Variants in PDE4D observed in about 807,000 individuals in gnomAD.
PDE4D encodes the protein phosphodiesterase 4D.
PDE4D carries 24 observed loss-of-function variants against 87.4 expected under a neutral mutation model. The ratio of observed to expected loss-of-function variants is 0.27; its 90% CI spans 0.20 to 0.39. The LOEUF (loss-of-function observed/expected upper bound fraction) is 0.39, where lower values mean the gene tolerates loss of function less well. Ranked by LOEUF, PDE4D falls within the 10% of genes least tolerant of loss-of-function variation. PDE4D has a pLI of 1.00. For missense variants in PDE4D, 714 were observed against 1,041.0 expected (o/e 0.69, Z 4.32); for synonymous variants, 384 against 383.2 (o/e 1.00, Z -0.02).
At chr5:60,489,151 C>A (rs551642493), upstream of PDE4D, among the ~76,000 whole-genome samples, 18 of 152,264 alleles carry the variant, frequency 1.2e-4, no homozygotes, top group African/African-American at 3.4e-4. Flanking sequence ...GAACACCACA[C>A]CCCTTAGATA....
chr5:58,992,466 T>C (rs1748139401), intron 7 of PDE4D, among the ~76,000 whole-genome samples: 1 of 152,178 alleles, frequency 6.6e-6, no homozygotes, highest in Admixed American at 6.5e-5. Flanking sequence ...AACAGCAGTA[T>C]ATAAAACTAA....
At chr5:59,967,840 TC>T (rs1760225097) in intron 3 of PDE4D, among the ~76,000 whole-genome samples, 1 of 152,130 alleles carries the variant, frequency 6.6e-6, no homozygotes, top group African/African-American at 2.4e-5. Flanking sequence ...AGATGTGGAA[TC>T]AACCCAGGTG....
intron 1 of PDE4D, among the ~76,000 whole-genome samples, chr5:59,751,574 GGTGTGTGTGTGT>G (rs57407769): frequency 1.5e-3 from 220 of 142,734 alleles, no homozygotes; most frequent in Admixed American, 3.4e-3. Flanking sequence ...ATAAATCCCT[GGTGTGTGTGTGT>G]GTGTGTGTGT....
intron 1 of PDE4D, among the ~76,000 whole-genome samples, chr5:59,424,217 C>G (rs1794887495): frequency 6.6e-6 from 1 of 152,038 alleles, no homozygotes; most frequent in Admixed American, 6.6e-5. Context: ...GAATGGGGAA[C>G]TGGAGATATA....
At chr5:60,207,573 C>T (rs1742695957) in intron 1 of PDE4D, among the ~76,000 whole-genome samples, 1 of 152,166 alleles carries the variant, frequency 6.6e-6, no homozygotes, top group African/African-American at 2.4e-5. Context: ...AAAAGATGTT[C>T]AGAATTTCAG....
At chr5:60,124,500 A>T (rs140112400) in intron 2 of PDE4D, among the ~76,000 whole-genome samples, 2 of 152,056 alleles carry the variant, frequency 1.3e-5, no homozygotes, top group Non-Finnish European at 1.5e-5. Flanking sequence ...TTTTCTCTGC[A>T]GCCCCCATCA....
chr5:59,213,053 T>C (rs906373908), intron 2 of PDE4D, among the ~76,000 whole-genome samples: 4 of 151,218 alleles, frequency 2.6e-5, no homozygotes, highest in Non-Finnish European at 5.9e-5. Context: ...GGCTAATATC[T>C]CTTAACATTT....
intron 1 of PDE4D, among the ~76,000 whole-genome samples, chr5:60,304,599 T>C (rs1307281797): frequency 1.0e-4 from 14 of 139,392 alleles, no homozygotes; most frequent in African/African-American, 2.8e-4. Context: ...GAGCCGAGAT[T>C]GCGCCACTGC....
intron 1 of PDE4D, among the ~76,000 whole-genome samples, chr5:60,279,775 C>T (rs1751716535): frequency 6.6e-6 from 1 of 151,274 alleles, no homozygotes; most frequent in Non-Finnish European, 1.5e-5. Context: ...TCCTCGACCT[C>T]CCGGGTTCAC....
At chr5:60,241,343 A>C (rs1352745284) in intron 1 of PDE4D, among the ~76,000 whole-genome samples, 1 of 137,370 alleles carries the variant, frequency 7.3e-6, no homozygotes, top group East Asian at 2.2e-4. Flanking sequence ...GTGTGATCTC[A>C]GCTCACTGCC....
intron 1 of PDE4D, among the ~76,000 whole-genome samples, chr5:59,403,894 G>A (rs1373011708): frequency 6.6e-6 from 1 of 152,160 alleles, no homozygotes; most frequent in Non-Finnish European, 1.5e-5. Context: ...TCTCCGTAGT[G>A]GTTGTACTAA....
At chr5:59,132,732 T>G (rs1400489002) in intron 5 of PDE4D, among the ~76,000 whole-genome samples, 1 of 152,204 alleles carries the variant, frequency 6.6e-6, no homozygotes, top group African/African-American at 2.4e-5. Flanking sequence ...CATTTCCACT[T>G]GATTGTGGGA....
At chr5:59,771,758 T>C (rs1326256353) in intron 1 of PDE4D, among the ~76,000 whole-genome samples, 2 of 152,200 alleles carry the variant, frequency 1.3e-5, no homozygotes, top group Admixed American at 6.5e-5. Flanking sequence ...AAATAGTAGA[T>C]ATAACAATAT....
At chr5:59,348,081 T>C (rs1779897628) in intron 1 of PDE4D, among the ~76,000 whole-genome samples, 1 of 152,168 alleles carries the variant, frequency 6.6e-6, no homozygotes, top group Non-Finnish European at 1.5e-5. Context: ...GCATCCATTT[T>C]GTCCCTCACT....
intron 1 of PDE4D, among the ~76,000 whole-genome samples, chr5:59,476,619 T>C (rs1582784980): frequency 6.6e-6 from 1 of 152,076 alleles, no homozygotes; most frequent in African/African-American, 2.4e-5. Flanking sequence ...TAGTCTCCTT[T>C]GGCTGGTAAG....
intron 1 of PDE4D, among the ~76,000 whole-genome samples, chr5:60,501,016 A>T (rs1750045873): frequency 6.6e-6 from 1 of 151,956 alleles, no homozygotes; most frequent in Non-Finnish European, 1.5e-5. Context: ...TATTATTATT[A>T]AACTTTAAGT....
chr5:60,425,556 G>A (rs890817064), intron 1 of PDE4D, among the ~76,000 whole-genome samples: 2 of 147,710 alleles, frequency 1.4e-5, no homozygotes, highest in African/African-American at 2.6e-5. Flanking sequence ...AGACTTAAAT[G>A]TTAGACATAA....
chr5:59,384,367 C>T (rs1441268235), intron 1 of PDE4D, among the ~76,000 whole-genome samples: 4 of 152,112 alleles, frequency 2.6e-5, no homozygotes, highest in Admixed American at 6.6e-5. Context: ...GGCCAATCAG[C>T]AGCCAAGCGT....
chr5:59,339,310 A>G (rs550300664), intron 1 of PDE4D, among the ~76,000 whole-genome samples: 21 of 152,324 alleles, frequency 1.4e-4, no homozygotes, highest in Admixed American at 5.2e-4. Flanking sequence ...ATATTTTCTC[A>G]AAGCCATTTT....
Sources: gnomAD v4.1 joint callset for allele counts (sites outside exome capture counted in the v4.1 genomes callset) on GRCh38, gnomAD v4.1.1 for gene constraint, MANE v1.5 for transcripts, NCBI Gene and HGNC (gene_info 2026-07-23, HGNC 2026-07-21) for gene names.